TACR3: variants seen among roughly 807,000 people sequenced by gnomAD.
TACR3 encodes tachykinin receptor 3, also known as neuromedin-K receptor.
Under a neutral mutation model 35.0 loss-of-function variants are expected in TACR3, and 34 were observed. That is an observed-to-expected ratio of 0.97 (90% confidence interval 0.74 to 1.30). The LOEUF is 1.30. Among genes scored for constraint, TACR3 ranks in the 50% most tolerant of loss-of-function variants. The pLI is 0.00. For missense variants in TACR3, 558 were observed against 591.7 expected (o/e 0.94, Z 0.59); for synonymous variants, 233 against 221.1 (o/e 1.05, Z -0.48).
chr4:103,664,499 CA>C (rs1725896466), intron 1 of TACR3, among the ~76,000 whole-genome samples: 1 of 152,076 alleles, frequency 6.6e-6, no homozygotes, highest in Admixed American at 6.6e-5. Flanking sequence ...AGAAACTATG[CA>C]AAAAATAATT....
At chr4:103,648,528 G>T (rs1725507901) in intron 3 of TACR3, among the ~76,000 whole-genome samples, 1 of 151,928 alleles carries the variant, frequency 6.6e-6, no homozygotes, top group African/African-American at 2.4e-5. Flanking sequence ...ACGTAAGTGG[G>T]ACCATACAAA....
At chr4:103,641,170 A>C (rs1725348712) in intron 3 of TACR3, among the ~76,000 whole-genome samples, 1 of 151,740 alleles carries the variant, frequency 6.6e-6, no homozygotes. Flanking sequence ...GTTCTTTTTC[A>C]ATTATGTGTT....
Position 103,605,961 on chromosome 4 carries a change from G to T in TACR3, c.889-14278C>A, listed in dbSNP as rs141773476. 8.6e-3 allele frequency among the ~76,000 whole-genome samples: 1,295 copies of T among 150,228 alleles called. 26 individuals are homozygous for T. Among genetic ancestry groups the T allele is most frequent in the African/African-American group, 0.031 (1,223 of 39,792 alleles). Reference sequence around the variant, plus strand: ...TCTAGGGTTTTTATGGTTTTAGGTCGTACGTTTAAGTCTTTAATCCATCTT... The same window carrying T: ...TCTAGGGTTTTTATGGTTTTAGGTCTTACGTTTAAGTCTTTAATCCATCTT... On this transcript the variant is annotated intron_variant, in intron 3 of 4. Coordinates refer to ENST00000304883, the MANE Select transcript of TACR3 (RefSeq NM_001059.3).
chr4:103,613,838 C>T (rs921045312), intron 3 of TACR3, among the ~76,000 whole-genome samples: 46 of 152,168 alleles, frequency 3.0e-4, no homozygotes, highest in Admixed American at 1.2e-3. Context: ...TATGTGCTCA[C>T]ATTACCTCTT....
At chr4:103,616,579 C>T (rs1724666078) in intron 3 of TACR3, among the ~76,000 whole-genome samples, 1 of 142,436 alleles carries the variant, frequency 7.0e-6, no homozygotes, top group Admixed American at 7.0e-5. Flanking sequence ...AAATGCTATG[C>T]CTAAAATTAA....
At position 103,638,331 on chromosome 4, in the gene TACR3, A is replaced by C. The variant is rs1272513296; in HGVS notation, c.888+17863T>G. Among the ~76,000 whole-genome samples, 4 of 151,664 alleles carry C rather than the reference A, an allele frequency of 2.6e-5. No homozygotes were observed. In the East Asian group the frequency reaches 5.8e-4, roughly 22 times the overall value. ...CTTTGACAAACCTGACAAAAACAAG[A>C]AATGGGGAAAGGATTCCCTATTTAA... On this transcript the variant is annotated intron_variant, in intron 3 of 4. Transcript: ENST00000304883.
intron 3 of TACR3, among the ~76,000 whole-genome samples, chr4:103,620,282 G>A (rs773003570): frequency 2.0e-5 from 3 of 152,184 alleles, no homozygotes. Context: ...AGGGAACACT[G>A]TTGGGGGGCT....
intron 3 of TACR3, among the ~76,000 whole-genome samples, chr4:103,631,233 G>A (rs1036931280): frequency 6.6e-6 from 1 of 152,040 alleles, no homozygotes; most frequent in Non-Finnish European, 1.5e-5. Context: ...TGTAAATGAC[G>A]AGTTGATGAG....
At chr4:103,650,929 C>A (rs1302091983) in intron 3 of TACR3, among the ~76,000 whole-genome samples, 2 of 11,502 alleles carry the variant, frequency 1.7e-4, no homozygotes, top group Admixed American at 1.6e-3. Context: ...ATATATATAT[C>A]TTATATATAA....
At chr4:103,620,626 TAAAC>T (rs1487016122) in intron 3 of TACR3, among the ~76,000 whole-genome samples, 1 of 152,070 alleles carries the variant, frequency 6.6e-6, no homozygotes, top group African/African-American at 2.4e-5. Context: ...GTCGTTATCC[TAAAC>T]AAACTAATGC....
intron 1 of TACR3, among the ~76,000 whole-genome samples, chr4:103,710,071 CT>C (rs1453461160): frequency 6.6e-6 from 1 of 152,170 alleles, no homozygotes; most frequent in African/African-American, 2.4e-5. Context: ...GACTTTAACA[CT>C]CCCCTGTCAA....
intron 3 of TACR3, among the ~76,000 whole-genome samples, chr4:103,604,550 TTAAAC>T (rs1262546883): frequency 2.5e-4 from 38 of 152,126 alleles, no homozygotes; most frequent in Non-Finnish European, 1.0e-4. Flanking sequence ...GGGATCTAAA[TTAAAC>T]TAAAGAGCTT....
chr4:103,603,910 A>C (rs1401534172), intron 3 of TACR3, among the ~76,000 whole-genome samples: 1 of 152,236 alleles, frequency 6.6e-6, no homozygotes, highest in African/African-American at 2.4e-5. Context: ...CAAACGGAAA[A>C]ACATTCCATG....
chr4:103,615,188 G>C (rs916500272), intron 3 of TACR3, among the ~76,000 whole-genome samples: 1 of 151,984 alleles, frequency 6.6e-6, no homozygotes, highest in Non-Finnish European at 1.5e-5. Context: ...GAGCCACCGC[G>C]CCCGTCCTAT....
At position 103,656,185 on chromosome 4, in the gene TACR3, G is replaced by A. The variant is rs758989173; in HGVS notation, c.888+9C>T. ...ATACAAATGCTAGGTAAACAACATG[G>A]ACCAGTACCTTTCTTTTGGCCTTTA... On this transcript the variant is annotated intron_variant, in intron 3 of 4. Transcript: ENST00000304883. 6 of 1,612,434 alleles carry A rather than the reference G, an allele frequency of 3.7e-6. No homozygotes were observed. The highest frequency in any genetic ancestry group is 5.1e-6 in the Non-Finnish European group (6 of 1,178,988).
intron 1 of TACR3, among the ~76,000 whole-genome samples, chr4:103,693,859 A>G (rs545623853): frequency 6.6e-6 from 1 of 151,908 alleles, no homozygotes; most frequent in Non-Finnish European, 1.5e-5. Flanking sequence ...TTTGTTTTTT[A>G]TGATTTTATT....
chr4:103,656,917 G>A (rs1424434224), intron 2 of TACR3, among the ~76,000 whole-genome samples: 2 of 150,980 alleles, frequency 1.3e-5, no homozygotes, highest in East Asian at 3.9e-4. Flanking sequence ...TTCCAGTCTG[G>A]GTCCATTTGA....
chr4:103,618,913 A>T (rs1724718250), intron 3 of TACR3, among the ~76,000 whole-genome samples: 1 of 152,096 alleles, frequency 6.6e-6, no homozygotes, highest in African/African-American at 2.4e-5. Context: ...TGGTATATAG[A>T]AATGCTATTG....
intron 3 of TACR3, among the ~76,000 whole-genome samples, chr4:103,649,533 T>C (rs948182302): frequency 2.6e-5 from 4 of 152,070 alleles, no homozygotes; most frequent in Non-Finnish European, 5.9e-5. Flanking sequence ...TTTTTATTTG[T>C]TTTTCTTTTG....
Sources: gnomAD v4.1 joint callset for allele counts (sites outside exome capture counted in the v4.1 genomes callset) on GRCh38, gnomAD v4.1.1 for gene constraint, MANE v1.5 for transcripts, NCBI Gene and HGNC (gene_info 2026-07-23, HGNC 2026-07-21) for gene names.